The following KRTAP10-9 variants were observed in gnomAD, a reference collection of about 807,000 sequenced individuals.
The protein encoded by KRTAP10-9 is keratin associated protein 10-9.
A neutral mutation model predicts 0.5 loss-of-function variants in KRTAP10-9; 1 was observed. The observed-to-expected ratio is 1.92, with a 90% CI of 0.68 to 9.09. The LOEUF is 9.09. Among genes scored for constraint, KRTAP10-9 ranks in the 30% most tolerant of loss-of-function variants. KRTAP10-9 has a pLI of 0.13. For synonymous variants in KRTAP10-9, 199 were observed against 159.8 expected (o/e 1.25, Z -1.85); for missense variants, 391 against 376.4 (o/e 1.04, Z -0.32).
rs188510491 is a variant in KRTAP10-9, at chr21:44,627,992, C to T, written c.821C>T (p.Pro274Leu). ...TCCTGTGTGTCCCTTCTCTGCCGCC[C>T]TGTGTGCTCCCGCCCGGCCTGCTAC... ...QASCVSLLCR[P>L]VCSRPACYSF... The change falls in exon 1 of 1, where the codon CCT (proline) becomes CTT (leucine). Residue 274 changes from proline to leucine, a missense_variant. Transcript: ENST00000397911. 7 of 1,611,212 alleles carry T rather than the reference C, an allele frequency of 4.3e-6. No individual in the cohort carries two copies. The African/African-American group carries it at 9.3e-5, about 21-fold the overall frequency.
chr21:44,627,135 T>G lies in KRTAP10-9; in HGVS notation c.-37T>G. ...CTCACTGACACACTCACACACTCACTTACACCTCCCCCAGCTCACCTCCTC... is the reference window on the plus strand; with the variant it reads ...CTCACTGACACACTCACACACTCACGTACACCTCCCCCAGCTCACCTCCTC... On this transcript the variant is annotated 5_prime_UTR_variant, in exon 1 of 1. Transcript: ENST00000397911. 6.3e-7 allele frequency: 1 copy of G among 1,587,950 alleles called. No individual in the cohort carries two copies. Among genetic ancestry groups the G allele is most frequent in the African/African-American group, 1.3e-5 (1 of 74,738 alleles).
rs1555934761 is a variant in KRTAP10-9, at chr21:44,627,643, G to A, written c.472G>A (p.Asp158Asn). The A allele has an allele frequency of 1.2e-6, 2 of 1,608,312 alleles. No homozygotes were observed. Among genetic ancestry groups the A allele is most frequent in the Admixed American group, 1.7e-5 (1 of 59,420 alleles). Reference sequence around the variant, plus strand: ...GTGCTGTGCGCCCACCTGCTCTGAGGATTCCTATTCATGCTGCCAACAGTC... The same window carrying A: ...GTGCTGTGCGCCCACCTGCTCTGAGAATTCCTATTCATGCTGCCAACAGTC... ...PVCCAPTCSE[D>N]SYSCCQQSSC... The change falls in exon 1 of 1, where the codon GAT (aspartate) becomes AAT (asparagine). Residue 158 changes from aspartate (D) to asparagine (N), a missense_variant. Coordinates refer to ENST00000397911, the MANE Select transcript of KRTAP10-9 (RefSeq NM_198690.3).
rs781982070 is a variant in KRTAP10-9 at position 44,627,650 on chromosome 21, A to G, written c.479A>G (p.Tyr160Cys). 1.9e-6 allele frequency: 3 copies of G among 1,588,194 alleles called. No homozygotes were observed. The highest frequency in any genetic ancestry group is 8.5e-7 in the Non-Finnish European group (1 of 1,172,804). The change falls in exon 1 of 1, where the codon TAT (tyrosine) becomes TGT (cysteine). Residue 160 changes from tyrosine (Y) to cysteine (C), a missense_variant. Coordinates refer to ENST00000397911, the MANE Select transcript of KRTAP10-9 (RefSeq NM_198690.3). Reference sequence around the variant, plus strand: ...GCGCCCACCTGCTCTGAGGATTCCTATTCATGCTGCCAACAGTCTAGCTGC... The same window carrying G: ...GCGCCCACCTGCTCTGAGGATTCCTGTTCATGCTGCCAACAGTCTAGCTGC... ...CCAPTCSEDS[Y>C]SCCQQSSCQP...
rs463217 is a variant in KRTAP10-9 at position 44,628,054 on chromosome 21, T to C, written c.*4T>C. On this transcript the variant is annotated 3_prime_UTR_variant, in exon 1 of 1. Transcript: ENST00000397911. The stretch of plus-strand genomic sequence containing the variant: ...AGGCCAGAAGTCCAGCTGCTGACGG[T>C]CATGTCCCCCAGGGCCAGCCGGGCT... 0.74 allele frequency: 1,187,450 copies of C among 1,609,362 alleles called. 439,324 individuals are homozygous for C. The highest frequency in any genetic ancestry group is 0.85 in the African/African-American group (63,321 of 74,904).
rs1449944443 is a variant in KRTAP10-9, at chr21:44,628,293, T to C, written c.*243T>C. 2 of 389,698 alleles carry C rather than the reference T, an allele frequency of 5.1e-6. No homozygotes were observed. Among genetic ancestry groups the C allele is most frequent in the South Asian group, 3.0e-5 (1 of 33,212 alleles). The allele number at this position is 389,698 out of a possible 1,614,324, so 24.1% of individuals were successfully genotyped here. A position where few individuals can be genotyped will look rare whatever the true frequency, so the allele number is the denominator to read the frequency against. ...ACCACAACCCTCCGCTGGTCGCTGG[T>C]TGGGGACGGGCCCTCCTGACCCGGG... On this transcript the variant is annotated 3_prime_UTR_variant, in exon 1 of 1. Coordinates refer to ENST00000397911, the MANE Select transcript of KRTAP10-9 (RefSeq NM_198690.3).
In KRTAP10-9 at chr21:44,627,851, C is replaced by A; in HGVS notation, c.680C>A (p.Pro227His). Reference sequence around the variant, plus strand: ...TGCTGCACCACCTCCTGCTGCAGACCCTCCTCCTCTGTGTCCCTCCTCTGC... The same window carrying A: ...TGCTGCACCACCTCCTGCTGCAGACACTCCTCCTCTGTGTCCCTCCTCTGC... ...PACCTTSCCRPSSSVSLLCRP... is the reference protein window; with the variant it reads ...PACCTTSCCRHSSSVSLLCRP... Residue 227 changes from proline (P) to histidine (H), a missense_variant, in exon 1 of 1, where the codon CCC becomes CAC. Physicochemically the swap from Pro to His is moderately conservative, Grantham distance 77 (BLOSUM62 -2). Coordinates refer to ENST00000397911, the MANE Select transcript of KRTAP10-9 (RefSeq NM_198690.3). 1 of 1,613,942 alleles carries A rather than the reference C, an allele frequency of 6.2e-7. No individual in the cohort carries two copies. Among genetic ancestry groups the A allele is most frequent in the African/African-American group, 1.3e-5 (1 of 75,014 alleles).
In KRTAP10-9 at chr21:44,627,737, A is replaced by C. The variant is rs1441014775; in HGVS notation, c.566A>C (p.Lys189Thr). ...QQSYCVPVCCKPVCCKPICCV... is the reference protein window; with the variant it reads ...QQSYCVPVCCTPVCCKPICCV... ...TCCTACTGTGTGCCTGTCTGCTGTAAGCCTGTCTGCTGCAAACCCATCTGC... is the reference window on the plus strand; with the variant it reads ...TCCTACTGTGTGCCTGTCTGCTGTACGCCTGTCTGCTGCAAACCCATCTGC... Residue 189 changes from lysine to threonine, a missense_variant, in exon 1 of 1, where the codon AAG becomes ACG. By Grantham distance (78) the Lys-to-Thr change is moderately conservative. Coordinates refer to ENST00000397911, the MANE Select transcript of KRTAP10-9 (RefSeq NM_198690.3). 3.1e-6 allele frequency: 5 copies of C among 1,594,002 alleles called. No individual in the cohort carries two copies. The highest frequency in any genetic ancestry group is 4.3e-6 in the Non-Finnish European group (5 of 1,167,174).
At position 44,627,317 on chromosome 21, in the gene KRTAP10-9, C is replaced by T; in HGVS notation, c.146C>T (p.Pro49Leu). ...PAPCLTLVCT[P>L]VSRVSSPCCQ... ...CCCTGCCTGACCCTGGTCTGCACCCCAGTGAGCCGTGTATCCAGCCCCTGC... is the reference window on the plus strand; with the variant it reads ...CCCTGCCTGACCCTGGTCTGCACCCTAGTGAGCCGTGTATCCAGCCCCTGC... Residue 49 changes from proline to leucine, a missense_variant, in exon 1 of 1, where the codon CCA (proline) becomes CTA (leucine). By Grantham distance (98) the Pro-to-Leu change is moderately conservative (BLOSUM62 -3). Transcript: ENST00000397911. 1 of 1,612,986 alleles carries T rather than the reference C, an allele frequency of 6.2e-7. No individual in the cohort carries two copies. Among genetic ancestry groups the T allele is most frequent in the Non-Finnish European group, 8.5e-7 (1 of 1,179,956 alleles).
In KRTAP10-9 at chr21:44,627,241, G is replaced by C; in HGVS notation, c.70G>C (p.Glu24Gln). 1.2e-6 allele frequency: 2 copies of C among 1,612,780 alleles called. No homozygotes were observed. The highest frequency in any genetic ancestry group is 2.2e-5 in the South Asian group (2 of 91,008). The change falls in exon 1 of 1, where the codon GAG becomes CAG. Residue 24 changes from glutamate to glutamine, a missense_variant. Transcript: ENST00000397911. ...CTCCTGGCAGGTGGACGACTGCCCA[G>C]AGAGCTGCTGTGAGCCCCCCTGCTG... ...SDSWQVDDCP[E>Q]SCCEPPCCAT... is the part of the protein sequence containing the mutation.
chr21:44,627,302 C>G lies in KRTAP10-9; in HGVS notation c.131C>G (p.Thr44Ser), dbSNP rs199660261. ...TGCTGCGCCCCGGCCCCCTGCCTGA[C>G]CCTGGTCTGCACCCCAGTGAGCCGT... ...TSCCAPAPCL[T>S]LVCTPVSRVS... Residue 44 changes from threonine (T) to serine (S), a missense_variant, in exon 1 of 1, where the codon ACC becomes AGC. Thr to Ser is a moderately conservative substitution (Grantham distance 58). Transcript: ENST00000397911. 8.1e-5 allele frequency: 130 copies of G among 1,612,744 alleles called. No homozygotes were observed. The highest frequency in any genetic ancestry group is 2.7e-4 in the African/African-American group (20 of 75,004).
At position 44,627,935 on chromosome 21, in the gene KRTAP10-9, C is replaced by T; in HGVS notation, c.764C>T (p.Ser255Phe). 6.6e-7 allele frequency: 1 copy of T among 1,518,840 alleles called. No homozygotes were observed. Among genetic ancestry groups the T allele is most frequent in the Non-Finnish European group, 9.0e-7 (1 of 1,117,264 alleles). 94.1% of individuals were successfully genotyped at this position (1,518,840 alleles called of 1,614,324 possible). Residue 255 changes from serine to phenylalanine, a missense_variant, in exon 1 of 1, where the codon TCC becomes TTC. Coordinates refer to ENST00000397911, the MANE Select transcript of KRTAP10-9 (RefSeq NM_198690.3). The part of the protein sequence containing the change: ...VPVSSCCAPT[S>F]SRQPSYCRQA... ...GTCTCCTCCTGCTGTGCCCCCACCT[C>T]CTCCCGCCAGCCCAGCTATTGCCGC...
In KRTAP10-9 at chr21:44,627,283, G is replaced by T. The variant is rs201090014; in HGVS notation, c.112G>T (p.Ala38Ser). 2 of 1,612,408 alleles carry T rather than the reference G, an allele frequency of 1.2e-6. No individual in the cohort carries two copies. Among genetic ancestry groups the T allele is most frequent in the Middle Eastern group, 2.0e-4 (1 of 4,930 alleles). The change falls in exon 1 of 1, where the codon GCC becomes TCC. Residue 38 changes from alanine to serine, a missense_variant. By Grantham distance (99) the Ala-to-Ser change is moderately conservative. Transcript: ENST00000397911. The stretch of plus-strand genomic sequence containing the variant: ...CCCCTGCTGCGCCACCAGCTGCTGC[G>T]CCCCGGCCCCCTGCCTGACCCTGGT... ...EPPCCATSCC[A>S]PAPCLTLVCT...
rs376717374 is a variant in KRTAP10-9 at position 44,627,867 on chromosome 21, C to T, written c.696C>T (p.Ser232=). The change falls in exon 1 of 1, where the codon TCC becomes TCT. Residue 232 remains serine, a synonymous_variant. Transcript: ENST00000397911. ...GCTGCAGACCCTCCTCCTCTGTGTC[C>T]CTCCTCTGCCGCCCTGTGTGCAGGC... ...TSCCRPSSSV[S]LLCRPVCRPA... 1.2e-6 allele frequency: 2 copies of T among 1,613,460 alleles called. No homozygotes were observed. The highest frequency in any genetic ancestry group is 1.7e-6 in the Non-Finnish European group (2 of 1,179,728).
chr21:44,627,163 C>A lies in KRTAP10-9; in HGVS notation c.-9C>A. 1.9e-6 allele frequency: 3 copies of A among 1,609,674 alleles called. No individual in the cohort carries two copies. Among genetic ancestry groups the A allele is most frequent in the South Asian group, 1.1e-5 (1 of 90,538 alleles). On this transcript the variant is annotated 5_prime_UTR_variant, in exon 1 of 1. Transcript: ENST00000397911. Reference sequence around the variant, plus strand: ...CACCTCCCCCAGCTCACCTCCTCCCCACCCCAGCATGGCCGCGTCCACCAT... The same window carrying A: ...CACCTCCCCCAGCTCACCTCCTCCCAACCCCAGCATGGCCGCGTCCACCAT...
rs782533154 is a variant in KRTAP10-9 at position 44,627,821 on chromosome 21, C to T, written c.650C>T (p.Pro217Leu). 7.4e-6 allele frequency: 12 copies of T among 1,611,054 alleles called. No individual in the cohort carries two copies. Among genetic ancestry groups the T allele is most frequent in the African/African-American group, 4.0e-5 (3 of 74,782 alleles). ...TGCTGCCAGCAGTCTGGCTGCCAGC[C>T]GGCTTGCTGCACCACCTCCTGCTGC... Reference protein sequence around the residue: ...SLCCQQSGCQPACCTTSCCRP... With the variant: ...SLCCQQSGCQLACCTTSCCRP... Residue 217 changes from proline (P) to leucine (L), a missense_variant, in exon 1 of 1, where the codon CCG becomes CTG. Transcript: ENST00000397911.
chr21:44,627,893 C>T lies in KRTAP10-9; in HGVS notation c.722C>T (p.Pro241Leu). 1.2e-6 allele frequency: 2 copies of T among 1,611,464 alleles called. No homozygotes were observed. The highest frequency in any genetic ancestry group is 1.3e-5 in the African/African-American group (1 of 74,712). The change falls in exon 1 of 1, where the codon CCC becomes CTC. Residue 241 changes from proline (P) to leucine (L), a missense_variant. By Grantham distance (98) the Pro-to-Leu change is moderately conservative (BLOSUM62 -3). Coordinates refer to ENST00000397911, the MANE Select transcript of KRTAP10-9 (RefSeq NM_198690.3). ...CTCCTCTGCCGCCCTGTGTGCAGGCCCGCCTGCTGCGTGCCCGTCTCCTCC... is the reference window on the plus strand; with the variant it reads ...CTCCTCTGCCGCCCTGTGTGCAGGCTCGCCTGCTGCGTGCCCGTCTCCTCC... ...VSLLCRPVCRPACCVPVSSCC... is the reference protein window; with the variant it reads ...VSLLCRPVCRLACCVPVSSCC...
rs142813376 is a variant in KRTAP10-9, at chr21:44,627,862, G to A, written c.691G>A (p.Val231Met). The change falls in exon 1 of 1, where the codon GTG becomes ATG. Residue 231 changes from valine to methionine, a missense_variant. Transcript: ENST00000397911. ...TTSCCRPSSS[V>M]SLLCRPVCRP... ...CTCCTGCTGCAGACCCTCCTCCTCT[G>A]TGTCCCTCCTCTGCCGCCCTGTGTG... 0.031 allele frequency: 50,471 copies of A among 1,613,168 alleles called. 956 individuals carry two copies. Among genetic ancestry groups the A allele is most frequent in the Non-Finnish European group, 0.037 (43,127 of 1,179,696 alleles).
In KRTAP10-9 at chr21:44,627,232, G is replaced by A. The variant is rs781933449; in HGVS notation, c.61G>A (p.Asp21Asn). 42 of 1,612,660 alleles carry A rather than the reference G, an allele frequency of 2.6e-5. No individual in the cohort carries two copies. The highest frequency in any genetic ancestry group is 6.6e-5 in the South Asian group (6 of 91,018). The change falls in exon 1 of 1, where the codon GAC becomes AAC. Residue 21 changes from aspartate to asparagine, a missense_variant. Physicochemically the swap from Asp to Asn is conservative, Grantham distance 23. Transcript: ENST00000397911. ...SAYSDSWQVD[D>N]CPESCCEPPC... ...TTACTCCGACTCCTGGCAGGTGGACGACTGCCCAGAGAGCTGCTGTGAGCC... is the reference window on the plus strand; with the variant it reads ...TTACTCCGACTCCTGGCAGGTGGACAACTGCCCAGAGAGCTGCTGTGAGCC...
chr21:44,627,550 C>T, intron 1 of KRTAP10-9: 2 of 1,582,506 alleles, frequency 1.3e-6, no homozygotes, highest in Non-Finnish European at 1.7e-6. Flanking sequence ...GTCTAGCTAC[C>T]AGCCAGCTTG....
Sources: gnomAD v4.1 joint callset for allele counts on GRCh38, gnomAD v4.1.1 for gene constraint, MANE v1.5 for transcripts, NCBI Gene and HGNC (gene_info 2026-07-23, HGNC 2026-07-21) for gene names.